The following MITF variants were observed in gnomAD, a reference collection of about 807,000 sequenced individuals.
MITF encodes the protein melanocyte inducing transcription factor, also known as microphthalmia-associated transcription factor.
MITF carries 17 observed loss-of-function variants against 60.5 expected under a neutral mutation model. That is an observed-to-expected ratio of 0.28 (90% CI 0.19 to 0.42). The LOEUF (loss-of-function observed/expected upper bound fraction) is 0.42, where lower values mean the gene tolerates loss of function less well. MITF is among the 10% of genes least tolerant of loss of function. The pLI is 1.00. For missense variants in MITF, 622 were observed against 683.5 expected, an observed-to-expected ratio of 0.91 and a Z score of 1.00; for synonymous variants, 260 against 248.5, an observed-to-expected ratio of 1.05 and a Z score of -0.43.
In MITF at chr3:69,874,656, C is replaced by T. The variant is rs1443606602; in HGVS notation, c.105-4478C>T. 2.0e-5 allele frequency among the ~76,000 whole-genome samples: 3 copies of T among 152,258 alleles called. No individual in the cohort carries two copies. In the East Asian group the frequency reaches 5.8e-4, roughly 29 times the overall value. On this transcript the variant is annotated intron_variant, in intron 1 of 9. Coordinates refer to ENST00000352241, the MANE Select transcript of MITF (RefSeq NM_001354604.2). ...AAGGAAAAGTAGAACATTGCTTTAG[C>T]GTCTCTAGGTTTCTACTGATGACCA... is the stretch of plus-strand genomic sequence containing the variant.
intron 2 of MITF, among the ~76,000 whole-genome samples, chr3:69,936,325 C>T (rs190796540): frequency 1.3e-5 from 2 of 152,278 alleles, no homozygotes; most frequent in Admixed American, 1.3e-4. Flanking sequence ...ATACCATTGT[C>T]TATTAATACT....
intron 1 of MITF, among the ~76,000 whole-genome samples, chr3:69,797,946 CAGAT>C (rs1559636735): frequency 1.3e-5 from 2 of 152,206 alleles, no homozygotes; most frequent in Non-Finnish European, 2.9e-5. Flanking sequence ...AAACTGATCA[CAGAT>C]AAAGTGGTGA....
chr3:69,933,523 T>C (rs1237395593), intron 2 of MITF, among the ~76,000 whole-genome samples: 2 of 152,136 alleles, frequency 1.3e-5, no homozygotes, highest in East Asian at 1.9e-4. Flanking sequence ...AAGATCTGAA[T>C]GAAGAAAGGA....
intron 1 of MITF, among the ~76,000 whole-genome samples, chr3:69,842,059 A>C (rs543025453): frequency 2.4e-4 from 37 of 152,354 alleles, no homozygotes; most frequent in Admixed American, 7.2e-4. Context: ...ATACCTATCA[A>C]ATATGAAGTG....
intron 1 of MITF, among the ~76,000 whole-genome samples, chr3:69,751,553 ATTT>A (rs35447609): frequency 1.8e-4 from 22 of 122,824 alleles, no homozygotes; most frequent in Non-Finnish European, 2.3e-4. Flanking sequence ...AAGCATTTTG[ATTT>A]TTTTTTTTTT....
At chr3:69,783,277 C>T (rs1296946307) in intron 1 of MITF, among the ~76,000 whole-genome samples, 1 of 152,024 alleles carries the variant, frequency 6.6e-6, no homozygotes, top group Non-Finnish European at 1.5e-5. Context: ...CTTGGATGCT[C>T]CTTGTCTCTC....
chr3:69,956,348 C>T (rs768245316), intron 7 of MITF, 107 bp from the exon 8 acceptor site: 11 of 878,196 alleles, frequency 1.3e-5, no homozygotes, highest in Admixed American at 9.2e-5. Flanking sequence ...TTCAGGTTTC[C>T]GTTGTCATGA....
chr3:69,892,972 A>T (rs1310568998), intron 2 of MITF, among the ~76,000 whole-genome samples: 1 of 152,228 alleles, frequency 6.6e-6, no homozygotes, highest in Non-Finnish European at 1.5e-5. Context: ...GAAATAAAAC[A>T]AACGGTCATT....
At chr3:69,934,298 G>C (rs189717652) in intron 2 of MITF, among the ~76,000 whole-genome samples, 1 of 152,134 alleles carries the variant, frequency 6.6e-6, no homozygotes, top group Non-Finnish European at 1.5e-5. Context: ...GCTACATGTC[G>C]TGTTGAGATG....
intron 1 of MITF, among the ~76,000 whole-genome samples, chr3:69,877,603 C>G (rs888015979): frequency 6.6e-6 from 1 of 152,130 alleles, no homozygotes; most frequent in African/African-American, 2.4e-5. Context: ...GATTCTCTGA[C>G]AATATACTGA....
chr3:69,823,575 T>G (rs981787421), intron 1 of MITF, among the ~76,000 whole-genome samples: 1 of 152,226 alleles, frequency 6.6e-6, no homozygotes, highest in African/African-American at 2.4e-5. Context: ...TATCATCATA[T>G]TAAGATTAGG....
chr3:69,740,113 T>C (rs775894642), intron 1 of MITF, among the ~76,000 whole-genome samples: 59 of 151,910 alleles, frequency 3.9e-4, no homozygotes, highest in Non-Finnish European at 8.4e-4. Context: ...TCCCAGCGGG[T>C]TGAGGGCTCG....
In MITF at chr3:69,787,201, T is replaced by G. The variant is rs188300377; in HGVS notation, c.104+47500T>G. Among the ~76,000 whole-genome samples the G allele has an allele frequency of 2.6e-5, 4 of 152,264 alleles. No individual in the cohort carries two copies. In the East Asian group the frequency reaches 7.7e-4, roughly 29 times the overall value. ...CAGTGCATGTGATGAAGGAATGGGTTTTAGGCTGGTTAGTATAGACACCAG... is the reference window on the plus strand; with the variant it reads ...CAGTGCATGTGATGAAGGAATGGGTGTTAGGCTGGTTAGTATAGACACCAG... On this transcript the variant is annotated intron_variant, in intron 1 of 9. Coordinates refer to ENST00000352241, the MANE Select transcript of MITF (RefSeq NM_001354604.2).
intron 1 of MITF, among the ~76,000 whole-genome samples, chr3:69,870,366 A>G (rs1466723478): frequency 4.0e-5 from 6 of 149,474 alleles, no homozygotes; most frequent in African/African-American, 1.5e-4. Flanking sequence ...GTGTGTGTAT[A>G]TATACGTGTG....
chr3:69,763,720 C>T (rs2062245352), intron 1 of MITF: 1 of 1,330,736 alleles, frequency 7.5e-7, no homozygotes, highest in African/African-American at 1.5e-5. Context: ...TCTTCTGTAG[C>T]TTGTTTGGTC....
At chr3:69,761,807 G>T in intron 1 of MITF, among the ~76,000 whole-genome samples, 1 of 152,218 alleles carries the variant, frequency 6.6e-6, no homozygotes, top group East Asian at 1.9e-4. Flanking sequence ...TGGTATATAA[G>T]TAAGTGGTAG....
At chr3:69,849,174 C>T (rs895985438) in intron 1 of MITF, among the ~76,000 whole-genome samples, 3 of 151,396 alleles carry the variant, frequency 2.0e-5, no homozygotes, top group Non-Finnish European at 4.4e-5. Context: ...CCATTTTAGC[C>T]GGGGTGGTCT....
At chr3:69,955,539 C>T (rs151025386) in intron 7 of MITF, among the ~76,000 whole-genome samples, 29 of 152,158 alleles carry the variant, frequency 1.9e-4, no homozygotes, top group African/African-American at 6.7e-4. Context: ...AAAGGCCGGA[C>T]GCAGTGGCTC....
At chr3:69,935,060 T>C (rs530079102) in intron 2 of MITF, among the ~76,000 whole-genome samples, 21 of 152,198 alleles carry the variant, frequency 1.4e-4, no homozygotes, top group Non-Finnish European at 2.6e-4. Context: ...ATGTGTGTCC[T>C]CTGGTTTGCC....
Sources: gnomAD v4.1 joint callset for allele counts (sites outside exome capture counted in the v4.1 genomes callset) on GRCh38, gnomAD v4.1.1 for gene constraint, MANE v1.5 for transcripts, NCBI Gene and HGNC (gene_info 2026-07-23, HGNC 2026-07-21) for gene names.